LRP2: variants seen among roughly 807,000 people sequenced by gnomAD.
LRP2 encodes LDL receptor related protein 2.
Under a neutral mutation model 531.0 loss-of-function variants are expected in LRP2, and 172 were observed. The observed-to-expected ratio is 0.32, with a 90% confidence interval of 0.29 to 0.37. LRP2 has a LOEUF of 0.37. Ranked by LOEUF, LRP2 falls within the 10% of genes least tolerant of loss-of-function variation. The probability of loss-of-function intolerance (pLI) is 1.00; values close to 1 mark genes in which losing one functional copy is unlikely to be tolerated. For missense variants in LRP2, 5,167 were observed against 5,868.3 expected (o/e 0.88, Z 3.90); for synonymous variants, 1,992 against 2,027.6 (o/e 0.98, Z 0.47).
At chr2:169,295,733 C>T (rs911067363) in intron 4 of LRP2, among the ~76,000 whole-genome samples, 1 of 152,156 alleles carries the variant, frequency 6.6e-6, no homozygotes, top group Non-Finnish European at 1.5e-5. Flanking sequence ...GAGAAATGTT[C>T]AATGTTGCTA....
Position 169,238,078 on chromosome 2 carries a change from G to A in LRP2, c.4506+13C>T. 6.2e-7 allele frequency: 1 copy of A among 1,612,708 alleles called. No homozygotes were observed. The highest frequency in any genetic ancestry group is 8.5e-7 in the Non-Finnish European group (1 of 1,178,716). On this transcript the variant is annotated intron_variant, in intron 27 of 78. Coordinates refer to ENST00000649046, the MANE Select transcript of LRP2 (RefSeq NM_004525.3). ...GAACTAGCCAGGCCAAAGGTCAACA[G>A]AAATGTACTTACCACTCTTCTGTCC... is the stretch of plus-strand genomic sequence containing the variant.
At chr2:169,132,744 G>A (rs1685340857) in intron 76 of LRP2, 63 bp from the exon 77 acceptor site, 3 of 851,146 alleles carry the variant, frequency 3.5e-6, no homozygotes, top group Non-Finnish European at 4.1e-6. Flanking sequence ...TAAATTTGCT[G>A]TAAAGTTTGT....
At chr2:169,317,805 G>C (rs76853413) in intron 3 of LRP2, among the ~76,000 whole-genome samples, 2 of 143,778 alleles carry the variant, frequency 1.4e-5, no homozygotes, top group African/African-American at 5.3e-5. Context: ...GGCCAGTCAT[G>C]GGGGGGTCAT....
intron 2 of LRP2, among the ~76,000 whole-genome samples, chr2:169,319,391 T>C (rs963006645): frequency 1.3e-5 from 2 of 152,244 alleles, no homozygotes; most frequent in African/African-American, 4.8e-5. Flanking sequence ...GGGACTATAC[T>C]CATCTCACTG....
intron 15 of LRP2, among the ~76,000 whole-genome samples, chr2:169,271,406 T>C (rs77373912): frequency 0.018 from 2,691 of 151,946 alleles, 77 homozygotes; most frequent in African/African-American, 0.059. Flanking sequence ...AGGAGATACA[T>C]CTAATGTAAT....
intron 46 of LRP2, among the ~76,000 whole-genome samples, chr2:169,195,896 T>G (rs1214027296): frequency 6.6e-6 from 1 of 152,190 alleles, no homozygotes; most frequent in African/African-American, 2.4e-5. Context: ...GCTATAAAAC[T>G]ATACTAATGA....
chr2:169,220,637 T>C, intron 33 of LRP2, 74 bp from the exon 34 acceptor site: 1 of 978,388 alleles, frequency 1.0e-6, no homozygotes, highest in Non-Finnish European at 1.6e-6. Flanking sequence ...AAGGAGAACT[T>C]ATGTACAAAA....
intron 4 of LRP2, among the ~76,000 whole-genome samples, chr2:169,298,549 G>A (rs768383205): frequency 5.9e-5 from 9 of 152,012 alleles, no homozygotes; most frequent in African/African-American, 2.2e-4. Context: ...GAAAGAAATT[G>A]AATGAAATGG....
chr2:169,169,915 T>A, intron 59 of LRP2, 97 bp from the exon 60 acceptor site: 2 of 847,892 alleles, frequency 2.4e-6, no homozygotes, highest in Non-Finnish European at 4.0e-6. Context: ...CATTCCTATC[T>A]ACACCCTGTG....
chr2:169,204,327 C>A, intron 41 of LRP2, 56 bp from the exon 42 acceptor site: 2 of 1,545,726 alleles, frequency 1.3e-6, no homozygotes, highest in South Asian at 2.2e-5. Flanking sequence ...GTTAAGTTTT[C>A]AACTGGCAGC....
chr2:169,208,218 G>A (rs907880432), intron 38 of LRP2, among the ~76,000 whole-genome samples: 1 of 152,156 alleles, frequency 6.6e-6, no homozygotes, highest in African/African-American at 2.4e-5. Context: ...AATGGGCATA[G>A]CTGTGTTACA....
chr2:169,300,193 A>C (rs1684252937), intron 4 of LRP2, among the ~76,000 whole-genome samples: 1 of 152,158 alleles, frequency 6.6e-6, no homozygotes, highest in South Asian at 2.1e-4. Flanking sequence ...CCCATTTCTC[A>C]TGGAACAGAC....
At chr2:169,257,842 A>G (rs989250509) in intron 17 of LRP2, among the ~76,000 whole-genome samples, 2 of 147,288 alleles carry the variant, frequency 1.4e-5, no homozygotes, top group Non-Finnish European at 3.0e-5. Flanking sequence ...AAAAAACACA[A>G]AAAAAACAAA....
In LRP2 at chr2:169,191,984, A is replaced by G; in HGVS notation, c.8880T>C (p.Pro2960=). 1 of 1,614,126 alleles carries G rather than the reference A, an allele frequency of 6.2e-7. No individual in the cohort carries two copies. Among genetic ancestry groups the G allele is most frequent in the Non-Finnish European group, 8.5e-7 (1 of 1,179,992 alleles). ...DSEFLCVNDR[P]PDRRCIPQSW... Reference sequence around the variant, plus strand: ...ACTGGGGAATGCACCTCCTGTCCGGAGGTCTGTCATTTACACAGAGAAACT... The same window carrying G: ...ACTGGGGAATGCACCTCCTGTCCGGGGGTCTGTCATTTACACAGAGAAACT... Residue 2960 remains proline, a synonymous_variant, in exon 48 of 79, where the codon CCT becomes CCC. Coordinates refer to ENST00000649046, the MANE Select transcript of LRP2 (RefSeq NM_004525.3).
chr2:169,132,941 C>T (rs1374770339), intron 76 of LRP2, among the ~76,000 whole-genome samples: 2 of 152,162 alleles, frequency 1.3e-5, no homozygotes, highest in Non-Finnish European at 2.9e-5. Flanking sequence ...GTCACACTCT[C>T]ACTTATTACT....
chr2:169,168,767 T>C, intron 60 of LRP2, 91 bp from the exon 61 acceptor site: 3 of 1,371,790 alleles, frequency 2.2e-6, no homozygotes, highest in Non-Finnish European at 3.1e-6. Context: ...GCTCTTGCCA[T>C]TATAGCCTGC....
rs138536694 is a variant in LRP2 at position 169,234,516 on chromosome 2, T to C, written c.4921-928A>G. Among the ~76,000 whole-genome samples, 9 of 152,336 alleles carry C rather than the reference T, an allele frequency of 5.9e-5. 1 individual carries two copies. In the East Asian group the frequency reaches 1.7e-3, roughly 29 times the overall value. ...GCTGCATAGTAGTCCATGATGTATA[T>C]GTCTATCATTAATGGGCATTTGTGT... On this transcript the variant is annotated intron_variant, in intron 29 of 78. Coordinates refer to ENST00000649046, the MANE Select transcript of LRP2 (RefSeq NM_004525.3).
chr2:169,310,629 C>A (rs936881394), intron 3 of LRP2, among the ~76,000 whole-genome samples: 2 of 152,152 alleles, frequency 1.3e-5, no homozygotes, highest in Non-Finnish European at 2.9e-5. Flanking sequence ...ATTTTTGCAT[C>A]GATGTTCATC....
intron 16 of LRP2, among the ~76,000 whole-genome samples, chr2:169,260,993 C>A (rs114586942): frequency 2.6e-5 from 4 of 151,874 alleles, no homozygotes; most frequent in African/African-American, 4.8e-5. Context: ...TTTAATTTAG[C>A]AAGAAAGGGA....
Sources: allele counts gnomAD v4.1 joint callset (sites outside exome capture counted in the v4.1 genomes callset), GRCh38; gene constraint gnomAD v4.1.1; transcripts MANE v1.5; gene names NCBI Gene and HGNC (gene_info 2026-07-23, HGNC 2026-07-21).